CTIF: variants seen among roughly 807,000 people sequenced by gnomAD.
CTIF encodes the protein CBP80/20-dependent translation initiation factor.
A neutral mutation model predicts 66.0 loss-of-function variants in CTIF; 21 were observed. The observed-to-expected ratio is 0.32, with a 90% confidence interval of 0.23 to 0.46. CTIF has a LOEUF of 0.46. Among genes scored for constraint, CTIF ranks in the 20% least tolerant of loss-of-function variants. CTIF has a pLI of 1.00. For synonymous variants in CTIF, 345 were observed against 326.4 expected, an observed-to-expected ratio of 1.06 and a Z score of -0.62; for missense variants, 739 against 812.7, an observed-to-expected ratio of 0.91 and a Z score of 1.10.
chr18:48,748,826 A>T (rs1027024948), intron 7 of CTIF, among the ~76,000 whole-genome samples: 1 of 152,188 alleles, frequency 6.6e-6, no homozygotes, highest in Non-Finnish European at 1.5e-5. Flanking sequence ...AGGGCACTGC[A>T]GTTTCTAACT....
chr18:48,656,320 G>C (rs2091246702), intron 3 of CTIF, among the ~76,000 whole-genome samples: 1 of 152,224 alleles, frequency 6.6e-6, no homozygotes, highest in South Asian at 2.1e-4. Flanking sequence ...TCCCATCCTG[G>C]TAACTGGCTC....
At chr18:48,837,151 T>C (rs1355194594) in intron 10 of CTIF, among the ~76,000 whole-genome samples, 1 of 150,062 alleles carries the variant, frequency 6.7e-6, no homozygotes, top group Non-Finnish European at 1.5e-5. Context: ...GGCTGGGGGG[T>C]CTCCTTTCCC....
Position 48,599,294 on chromosome 18 carries a change from G to A in CTIF, c.-28-20244G>A, listed in dbSNP as rs28446754. Among the ~76,000 whole-genome samples the A allele has an allele frequency of 6.0e-3, 913 of 151,896 alleles. 11 individuals are homozygous for A. Among genetic ancestry groups the A allele is most frequent in the African/African-American group, 0.021 (865 of 41,430 alleles). ...CAGAACCAGTGTTCTAGCCAGGGGG[G>A]TCAACAGCCAACCTTTACATTTTTC... On this transcript the variant is annotated intron_variant, in intron 1 of 11. Transcript: ENST00000256413.
chr18:48,829,591 C>T (rs866165928), intron 10 of CTIF, among the ~76,000 whole-genome samples: 3 of 152,216 alleles, frequency 2.0e-5, no homozygotes, highest in Admixed American at 6.5e-5. Context: ...GCCCAGCCTC[C>T]GTGCTCCAGC....
chr18:48,761,804 G>A lies in CTIF; in HGVS notation c.1371+115G>A, dbSNP rs929012266. The A allele has an allele frequency of 6.4e-5, 65 of 1,018,762 alleles. No individual in the cohort carries two copies. Among genetic ancestry groups the A allele is most frequent in the African/African-American group, 2.3e-4 (14 of 61,844 alleles). 63.1% of individuals were successfully genotyped at this position (1,018,762 alleles called of 1,614,324 possible). ...CACAGTTGGACTTTTCCCAAGTTCC[G>A]CCCTTGCCCGATTAATTATAGAAAA... is the stretch of plus-strand genomic sequence containing the variant. On this transcript the variant is annotated intron_variant, in intron 9 of 11. Coordinates refer to ENST00000256413, the MANE Select transcript of CTIF (RefSeq NM_014772.3). This position sits in a 1 kb window ranked among gnomAD's most constrained non-coding sequence, Gnocchi z 4.2.
rs369027250 is a variant in CTIF, at chr18:48,782,680, C to T, written c.1371+20991C>T. Among the ~76,000 whole-genome samples, 14 of 152,360 alleles carry T rather than the reference C, an allele frequency of 9.2e-5. No individual in the cohort carries two copies. In the South Asian group the frequency reaches 2.7e-3, roughly 29 times the overall value. ...AGGTGCCCGAGGCTCTGGGAAGCTG[C>T]AGGCGGACAGGTCCTGGGGCTGGCA... On this transcript the variant is annotated intron_variant, in intron 9 of 11. Transcript: ENST00000256413.
At chr18:48,641,521 C>T (rs2144674030) in intron 3 of CTIF, among the ~76,000 whole-genome samples, 1 of 152,282 alleles carries the variant, frequency 6.6e-6, no homozygotes, top group South Asian at 2.1e-4. Context: ...TGACTGAGGG[C>T]CTATGATCCC....
rs1268579796 is a variant in CTIF, at chr18:48,860,353, A to C, written c.*794A>C. 1 of 170,088 alleles carries C rather than the reference A, an allele frequency of 5.9e-6. No individual in the cohort carries two copies. The highest frequency in any genetic ancestry group is 1.3e-5 in the Non-Finnish European group (1 of 78,082). 10.5% of individuals were successfully genotyped at this position (170,088 alleles called of 1,614,324 possible). ...AGTCAGCACTGTTGAGGACCCCCGG[A>C]TTAGTGGGAGATCAAACCCAGCTCC... On this transcript the variant is annotated 3_prime_UTR_variant, in exon 12 of 12. Transcript: ENST00000256413.
At chr18:48,838,984 G>A (rs777271022) in intron 10 of CTIF, among the ~76,000 whole-genome samples, 2 of 152,100 alleles carry the variant, frequency 1.3e-5, no homozygotes, top group Admixed American at 6.5e-5. Context: ...ACCTCCTCCC[G>A]GAGAAGGACC....
intron 1 of CTIF, among the ~76,000 whole-genome samples, chr18:48,607,573 G>T (rs1438811294): frequency 2.6e-5 from 4 of 152,198 alleles, no homozygotes; most frequent in Non-Finnish European, 5.9e-5. Flanking sequence ...CTATGGTGAG[G>T]TCAGCTCAGG....
intron 7 of CTIF, among the ~76,000 whole-genome samples, chr18:48,722,633 C>T (rs573978413): frequency 3.3e-5 from 5 of 151,452 alleles, no homozygotes; most frequent in African/African-American, 9.8e-5. Context: ...TACTCATCGG[C>T]ACTCACAGGT....
intron 10 of CTIF, among the ~76,000 whole-genome samples, chr18:48,846,170 A>C (rs926936514): frequency 4.0e-5 from 6 of 151,862 alleles, no homozygotes; most frequent in Non-Finnish European, 7.4e-5. Context: ...AGCACATTCC[A>C]CCCCCAGCAC....
chr18:48,570,418 A>G (rs1043955228), intron 1 of CTIF, among the ~76,000 whole-genome samples: 4 of 152,190 alleles, frequency 2.6e-5, no homozygotes, highest in African/African-American at 9.7e-5. Context: ...GAACTGTGCT[A>G]TATATTGAGG....
At chr18:48,786,170 CAG>C (rs1415211334) in intron 9 of CTIF, among the ~76,000 whole-genome samples, 4 of 152,162 alleles carry the variant, frequency 2.6e-5, no homozygotes, top group African/African-American at 7.2e-5. Flanking sequence ...TGCAGGGAGA[CAG>C]GGGAGGTGCC....
chr18:48,648,367 TCTCTGCTGGG>T (rs1033085064), intron 3 of CTIF, among the ~76,000 whole-genome samples: 1 of 152,044 alleles, frequency 6.6e-6, no homozygotes, highest in African/African-American at 2.4e-5. Flanking sequence ...CAGAAAGCTG[TCTCTGCTGGG>T]CTCTGCCCTG....
chr18:48,738,535 T>TCCCC (rs199885562), intron 7 of CTIF, among the ~76,000 whole-genome samples: 2 of 150,922 alleles, frequency 1.3e-5, no homozygotes, highest in South Asian at 2.1e-4. Context: ...CACTGGCTGT[T>TCCCC]CCCCCTCCCC....
Position 48,860,171 on chromosome 18 carries a change from C to T in CTIF, c.*612C>T. ...TCCCACCTCCAAGTCCTCCTCACTG[C>T]AGCCCCCACAGCCTCAGGCCTAGGG... On this transcript the variant is annotated 3_prime_UTR_variant, in exon 12 of 12. Coordinates refer to ENST00000256413, the MANE Select transcript of CTIF (RefSeq NM_014772.3). 5.6e-6 allele frequency: 2 copies of T among 354,508 alleles called. No homozygotes were observed. The highest frequency in any genetic ancestry group is 4.1e-5 in the South Asian group (2 of 48,256). The allele number at this position is 354,508 out of a possible 1,614,324, so 22.0% of individuals were successfully genotyped here.
chr18:48,593,940 C>G (rs1377883700), intron 1 of CTIF, among the ~76,000 whole-genome samples: 3 of 152,098 alleles, frequency 2.0e-5, no homozygotes, highest in Non-Finnish European at 4.4e-5. Flanking sequence ...TAGTTATGCA[C>G]TGTGTGATAG....
intron 9 of CTIF, among the ~76,000 whole-genome samples, chr18:48,811,817 A>G (rs1397991130): frequency 6.6e-6 from 1 of 152,152 alleles, no homozygotes; most frequent in East Asian, 1.9e-4. Flanking sequence ...CTGTGGGTGG[A>G]TGCCTGGGTT....
Sources: gnomAD v4.1 joint callset for allele counts (sites outside exome capture counted in the v4.1 genomes callset) on GRCh38, gnomAD v4.1.1 for gene constraint, Gnocchi (gnomAD v3.1) non-coding constraint, MANE v1.5 for transcripts, NCBI Gene and HGNC (gene_info 2026-07-23, HGNC 2026-07-21) for gene names.